ARFGAP3: variants seen among roughly 807,000 people sequenced by gnomAD.
ARFGAP3 encodes the protein ADP-ribosylation factor GTPase-activating protein 3.
ARFGAP3 carries 72 observed loss-of-function variants against 75.0 expected under a neutral mutation model. That is an observed-to-expected ratio of 0.96 (90% CI 0.79 to 1.17). The LOEUF is 1.17. Ranked by LOEUF, ARFGAP3 falls within the 50% of genes most tolerant of loss-of-function variation. The probability of loss-of-function intolerance (pLI) is 0.00; values close to 1 mark genes in which losing one functional copy is unlikely to be tolerated. For synonymous variants in ARFGAP3, 221 were observed against 217.9 expected, an observed-to-expected ratio of 1.01 and a Z score of -0.13; for missense variants, 620 against 626.6, an observed-to-expected ratio of 0.99 and a Z score of 0.11.
intron 6 of ARFGAP3, 84 bp downstream of exon 6, chr22:42,831,465 C>T: frequency 2.2e-6 from 3 of 1,395,088 alleles, no homozygotes; most frequent in Non-Finnish European, 2.0e-6. Context: ...AGCCACTGTG[C>T]CTGGCCCATC....
At chr22:42,855,780 CAGG>C (rs1927467475) in intron 1 of ARFGAP3, among the ~76,000 whole-genome samples, 1 of 151,596 alleles carries the variant, frequency 6.6e-6, no homozygotes, top group Non-Finnish European at 1.5e-5. Flanking sequence ...GAGGCCAAGG[CAGG>C]AGGAGGCAGG....
At chr22:42,851,121 T>A (rs992774899) in intron 1 of ARFGAP3, among the ~76,000 whole-genome samples, 1 of 152,214 alleles carries the variant, frequency 6.6e-6, no homozygotes, top group Non-Finnish European at 1.5e-5. Context: ...GCACTTACCA[T>A]CAAGTGTACC....
intron 13 of ARFGAP3, 147 bp from the exon 14 acceptor site, chr22:42,807,310 G>C (rs1044314791): frequency 7.0e-7 from 1 of 1,425,454 alleles, no homozygotes. Flanking sequence ...GCCAAGGCCA[G>C]GTCCTGCGGG....
At position 42,822,174 on chromosome 22, in the gene ARFGAP3, C is replaced by T. The variant is rs560998319; in HGVS notation, c.812+96G>A. On this transcript the variant is annotated intron_variant, in intron 9 of 15. Coordinates refer to ENST00000263245, the MANE Select transcript of ARFGAP3 (RefSeq NM_014570.5). ...TGAATTTTGCAGTACCCTCCCTTCC[C>T]CCCCCACACAAAAATACATGGCATT... The T allele has an allele frequency of 1.2e-5, 12 of 985,688 alleles. No homozygotes were observed. The South Asian group carries it at 1.6e-4, about 13-fold the overall frequency. The allele number at this position is 985,688 out of a possible 1,614,324, so 61.1% of individuals were successfully genotyped here.
chr22:42,815,412 C>CT (rs1291554913), intron 11 of ARFGAP3, among the ~76,000 whole-genome samples: 1,640 of 136,500 alleles, frequency 0.012, 9 homozygotes, highest in Middle Eastern at 0.023. Flanking sequence ...TAAACTACTA[C>CT]TTTTTTTTTT....
At position 42,807,120 on chromosome 22, in the gene ARFGAP3, G is replaced by C; in HGVS notation, c.1364C>G (p.Ser455Cys). 2 of 1,613,060 alleles carry C rather than the reference G, an allele frequency of 1.2e-6. No individual in the cohort carries two copies. Among genetic ancestry groups the C allele is most frequent in the South Asian group, 2.2e-5 (2 of 90,744 alleles). Reference protein sequence around the residue: ...ARLERLSASSSISSADLFEEP... With the variant: ...ARLERLSASSCISSADLFEEP... ...CTCGAACAGATCAGCCGAGCTTATG[G>C]AGGAACTTGCCGACAGCCTCTCTAG... The change falls in exon 14 of 16, where the codon TCC (serine) becomes TGC (cysteine). Residue 455 changes from serine (S) to cysteine (C), a missense_variant. Coordinates refer to ENST00000263245, the MANE Select transcript of ARFGAP3 (RefSeq NM_014570.5).
intron 7 of ARFGAP3, among the ~76,000 whole-genome samples, chr22:42,826,637 C>A (rs1926050799): frequency 6.6e-6 from 1 of 151,938 alleles, no homozygotes; most frequent in Non-Finnish European, 1.5e-5. Flanking sequence ...TGGGCTCAAG[C>A]GATCTGACCA....
chr22:42,813,783 T>G (rs1045004925), intron 11 of ARFGAP3, among the ~76,000 whole-genome samples: 1 of 152,196 alleles, frequency 6.6e-6, no homozygotes, highest in African/African-American at 2.4e-5. Flanking sequence ...CAGCTGACCT[T>G]TGGAAGGATG....
At position 42,850,718 on chromosome 22, in the gene ARFGAP3, T is replaced by C. The variant is rs375972661; in HGVS notation, c.70-3086A>G. On this transcript the variant is annotated intron_variant, in intron 1 of 15. Coordinates refer to ENST00000263245, the MANE Select transcript of ARFGAP3 (RefSeq NM_014570.5). ...GGCAATACAAGAGAGGAAACACGAG[T>C]GGGTTTTCTAAAGCCCCTCACCACA... 4.0e-5 allele frequency among the ~76,000 whole-genome samples: 6 copies of C among 151,016 alleles called. No homozygotes were observed. The East Asian group carries it at 5.8e-4, about 15-fold the overall frequency.
chr22:42,820,975 C>A (rs1244455843), intron 9 of ARFGAP3, among the ~76,000 whole-genome samples: 2 of 152,152 alleles, frequency 1.3e-5, no homozygotes, highest in Non-Finnish European at 2.9e-5. Context: ...AGCTGTTTCT[C>A]TTGGGTAAGT....
intron 9 of ARFGAP3, among the ~76,000 whole-genome samples, chr22:42,821,395 A>G (rs1358708336): frequency 1.3e-5 from 2 of 151,878 alleles, no homozygotes; most frequent in Non-Finnish European, 2.9e-5. Context: ...TTCTCTCCTC[A>G]CCCCAGGCCC....
At chr22:42,837,578 C>T (rs1165932822) in intron 3 of ARFGAP3, among the ~76,000 whole-genome samples, 2 of 140,668 alleles carry the variant, frequency 1.4e-5, no homozygotes, top group Admixed American at 1.5e-4. Flanking sequence ...TATGATTTTG[C>T]CACTGCACTC....
At chr22:42,840,087 T>TACC (rs1380884123) in intron 3 of ARFGAP3, among the ~76,000 whole-genome samples, 1 of 151,864 alleles carries the variant, frequency 6.6e-6, no homozygotes, top group East Asian at 2.0e-4. Context: ...TGCACCACCA[T>TACC]GATTTGCTAA....
rs1924824826 is a variant in ARFGAP3, at chr22:42,800,884, C to G, written c.1412-1724G>C. On this transcript the variant is annotated intron_variant, in intron 14 of 15. Transcript: ENST00000263245. ...AGGAAATGACAGTTCCAGCCACCTG[C>G]TCAGGAAGAGCGTCCTTGACCCAGG... Among the ~76,000 whole-genome samples, 3 of 152,350 alleles carry G rather than the reference C, an allele frequency of 2.0e-5. No individual in the cohort carries two copies. The South Asian group carries it at 6.2e-4, about 32-fold the overall frequency.
rs1924639121 is a variant in ARFGAP3, at chr22:42,797,189, T to A, written c.*399A>T. 1 of 190,044 alleles carries A rather than the reference T, an allele frequency of 5.3e-6. No individual in the cohort carries two copies. The highest frequency in any genetic ancestry group is 1.1e-5 in the Non-Finnish European group (1 of 92,838). 11.8% of individuals were successfully genotyped at this position (190,044 alleles called of 1,614,324 possible). A position where few individuals can be genotyped will look rare whatever the true frequency, so the allele number is the denominator to read the frequency against. On this transcript the variant is annotated 3_prime_UTR_variant, in exon 16 of 16. Coordinates refer to ENST00000263245, the MANE Select transcript of ARFGAP3 (RefSeq NM_014570.5). The stretch of plus-strand genomic sequence containing the variant: ...GGTGAGTGTTGTTTCTGCAGGCCCA[T>A]CCAGCATCCGCTGATTCTGGCAGCC...
At chr22:42,822,148 C>T in intron 9 of ARFGAP3, 122 bp downstream of exon 9, 1 of 800,948 alleles carries the variant, frequency 1.2e-6, no homozygotes, top group East Asian at 2.6e-5. Context: ...TTTCATAAAA[C>T]TGAATTTTGC....
intron 3 of ARFGAP3, among the ~76,000 whole-genome samples, 185 bp downstream of exon 3, chr22:42,840,759 C>A (rs1207350518): frequency 1.3e-5 from 2 of 152,082 alleles, no homozygotes; most frequent in African/African-American, 4.8e-5. Context: ...AGGGTCTTGC[C>A]ATGTTGCCCA....
At position 42,817,265 on chromosome 22, in the gene ARFGAP3, C is replaced by T. The variant is rs1480742061; in HGVS notation, c.942-1G>A. The T allele has an allele frequency of 6.2e-7, 1 of 1,601,280 alleles. No individual in the cohort carries two copies. The highest frequency in any genetic ancestry group is 1.7e-4 in the Middle Eastern group (1 of 6,020). On this transcript the variant is annotated splice_acceptor_variant, in intron 10 of 15. Transcript: ENST00000263245. LOFTEE classifies it high-confidence loss of function. ...TGAAGTCACTGAATGTGAAATAACA[C>T]TTGAGAAAACAGAAAAATATATATA... is the stretch of plus-strand genomic sequence containing the variant.
At chr22:42,829,504 T>C (rs1926190608) in intron 6 of ARFGAP3, among the ~76,000 whole-genome samples, 1 of 151,966 alleles carries the variant, frequency 6.6e-6, no homozygotes, top group Non-Finnish European at 1.5e-5. Context: ...TATAAATGTC[T>C]TCTTTGCAGG....
Sources: gnomAD v4.1 joint callset for allele counts (sites outside exome capture counted in the v4.1 genomes callset) on GRCh38, gnomAD v4.1.1 for gene constraint, MANE v1.5 for transcripts, NCBI Gene and HGNC (gene_info 2026-07-23, HGNC 2026-07-21) for gene names.